Variants in ZC3HAV1 observed in about 807,000 individuals in gnomAD.
ZC3HAV1 encodes zinc finger CCCH-type antiviral protein 1.
A neutral mutation model predicts 86.6 loss-of-function variants in ZC3HAV1; 41 were observed. The observed-to-expected ratio is 0.47, with a 90% confidence interval of 0.37 to 0.61. The LOEUF (loss-of-function observed/expected upper bound fraction) is 0.61. Among genes scored for constraint, ZC3HAV1 ranks in the 20% least tolerant of loss-of-function variants. ZC3HAV1 has a pLI of 0.00. For missense variants in ZC3HAV1, 964 were observed against 1,141.1 expected, an observed-to-expected ratio of 0.84 and a Z score of 2.24; for synonymous variants, 421 against 432.1, an observed-to-expected ratio of 0.97 and a Z score of 0.32.
intron 1 of ZC3HAV1, among the ~76,000 whole-genome samples, chr7:139,094,980 CTTT>C (rs367844812): frequency 2.2e-5 from 3 of 136,118 alleles, no homozygotes; most frequent in Non-Finnish European, 1.6e-5. Context: ...TAACCCGAGT[CTTT>C]TTTTTTTTTT....
Position 139,089,700 on chromosome 7 carries a change from T to C in ZC3HAV1, c.368A>G (p.Asn123Ser). ...LSEENFKVLKNHELSGLNKEE... is the reference protein window; with the variant it reads ...LSEENFKVLKSHELSGLNKEE... ...TTTGTTCAGTCCAGAGAGTTCGTGATTTTTCAGGACTTTGAAGTTCTCTTC... is the reference window on the plus strand; with the variant it reads ...TTTGTTCAGTCCAGAGAGTTCGTGACTTTTCAGGACTTTGAAGTTCTCTTC... Residue 123 changes from asparagine to serine, a missense_variant, in exon 2 of 13, where the codon AAT becomes AGT. Asn to Ser is a conservative substitution (Grantham distance 46). Transcript: ENST00000242351. 1 of 1,612,988 alleles carries C rather than the reference T, an allele frequency of 6.2e-7. No homozygotes were observed. Among genetic ancestry groups the C allele is most frequent in the Non-Finnish European group, 8.5e-7 (1 of 1,179,600 alleles).
intron 1 of ZC3HAV1, among the ~76,000 whole-genome samples, chr7:139,091,575 A>G (rs1447957516): frequency 2.0e-5 from 3 of 152,144 alleles, no homozygotes; most frequent in Non-Finnish European, 4.4e-5. Context: ...TCTCACAAGG[A>G]TCTTACCTCA....
At chr7:139,058,252 A>G (rs1816343303) in intron 9 of ZC3HAV1, among the ~76,000 whole-genome samples, 1 of 149,412 alleles carries the variant, frequency 6.7e-6, no homozygotes, top group African/African-American at 2.5e-5. Flanking sequence ...AAACTATTCC[A>G]AGACAGCCTG....
rs1818010557 is a variant in ZC3HAV1 at position 139,108,731 on chromosome 7, C to T, written c.308+293G>A. 6.6e-6 allele frequency among the ~76,000 whole-genome samples: 1 copy of T among 150,714 alleles called. No individual in the cohort carries two copies. The highest frequency in any genetic ancestry group is 1.5e-5 in the Non-Finnish European group (1 of 67,646). ...TCCAGAGCACTTTATTCTTCTGATT[C>T]GTGCGGGCGGGCGGGGAAAGGGGTG... On this transcript the variant is annotated intron_variant, in intron 1 of 12. Coordinates refer to ENST00000242351, the MANE Select transcript of ZC3HAV1 (RefSeq NM_020119.4). The surrounding 1 kb of genome is among the most constrained non-coding windows in gnomAD (Gnocchi z 4.2).
chr7:139,047,856 A>T lies in ZC3HAV1; in HGVS notation c.2450-3T>A, dbSNP rs1010263246. 6 of 1,604,844 alleles carry T rather than the reference A, an allele frequency of 3.7e-6. No homozygotes were observed. The highest frequency in any genetic ancestry group is 5.1e-6 in the Non-Finnish European group (6 of 1,178,364). On this transcript the variant is annotated splice_polypyrimidine_tract_variant and splice_region_variant and intron_variant, in intron 12 of 12. Transcript: ENST00000242351. The stretch of plus-strand genomic sequence containing the variant: ...GGCATCTTTTGCAAAGTAAATTCCT[A>T]GAAAGAATCAGAAAGAAAAGTTAAG...
At chr7:139,065,142 G>A (rs752092617) in intron 7 of ZC3HAV1, 143 bp from the exon 8 acceptor site, 24 of 1,099,086 alleles carry the variant, frequency 2.2e-5, no homozygotes, top group African/African-American at 3.2e-5. Flanking sequence ...CCAGCTCAGG[G>A]CTATGTCACA....
At chr7:139,103,681 A>C (rs1278333573) in intron 1 of ZC3HAV1, among the ~76,000 whole-genome samples, 1 of 152,244 alleles carries the variant, frequency 6.6e-6, no homozygotes, top group Admixed American at 6.5e-5. Context: ...ACTTGCACGT[A>C]AATTCTTGGC....
rs1283694209 is a variant in ZC3HAV1 at position 139,071,966 on chromosome 7, T to A, written c.1872+1890A>T. Among the ~76,000 whole-genome samples the A allele has an allele frequency of 4.6e-5, 7 of 152,226 alleles. 1 individual carries two copies. The highest frequency in any genetic ancestry group is 1.0e-4 in the Non-Finnish European group (7 of 68,036). ...TGTGGCCCACTATAGGAGGTGTTTT[T>A]CTCAGGCCTCACTAACATAACAGAG... On this transcript the variant is annotated intron_variant, in intron 7 of 12. Transcript: ENST00000242351.
Position 139,064,982 on chromosome 7 carries a change from A to T in ZC3HAV1, c.1890T>A (p.Asn630Lys), listed in dbSNP as rs531212366. Residue 630 changes from asparagine (N) to lysine (K), a missense_variant, in exon 8 of 13, where the codon AAT becomes AAA. Physicochemically the swap from Asn to Lys is moderately conservative, Grantham distance 94. Transcript: ENST00000242351. ...QYGEEKDKRK[N>K]SNVDSSYLES... ...CCAGGTATGAAGAGTCGACGTTTGA[A>T]TTTTTCCGTTTGTCTTTCTAATTGG... is the stretch of plus-strand genomic sequence containing the variant. 1 of 1,613,916 alleles carries T rather than the reference A, an allele frequency of 6.2e-7. No homozygotes were observed. The highest frequency in any genetic ancestry group is 2.2e-5 in the East Asian group (1 of 44,874).
chr7:139,066,843 C>T (rs1434783885), intron 7 of ZC3HAV1, among the ~76,000 whole-genome samples: 6 of 152,180 alleles, frequency 3.9e-5, no homozygotes, highest in African/African-American at 1.4e-4. Context: ...CTCTGTAAAA[C>T]CCACTCTGTT....
At chr7:139,090,619 C>T (rs1817402121) in intron 1 of ZC3HAV1, among the ~76,000 whole-genome samples, 3 of 151,954 alleles carry the variant, frequency 2.0e-5, no homozygotes, top group Admixed American at 2.0e-4. Flanking sequence ...CCTTCATTTC[C>T]AAAATATTGA....
rs1184912859 is a variant in ZC3HAV1 at position 139,089,678 on chromosome 7, G to C, written c.390C>G (p.Asn130Lys). ...GGAGGAGCACTGCTAATTCCTCTTT[G>C]TTCAGTCCAGAGAGTTCGTGATTTT... is the stretch of plus-strand genomic sequence containing the variant. ...VLKNHELSGL[N>K]KEELAVLLLQ... The change falls in exon 2 of 13, where the codon AAC (asparagine) becomes AAG (lysine). Residue 130 changes from asparagine to lysine, a missense_variant. Coordinates refer to ENST00000242351, the MANE Select transcript of ZC3HAV1 (RefSeq NM_020119.4). 6.2e-7 allele frequency: 1 copy of C among 1,612,770 alleles called. No homozygotes were observed. The highest frequency in any genetic ancestry group is 1.3e-5 in the African/African-American group (1 of 74,922).
chr7:139,062,466 A>G (rs1563126807), intron 8 of ZC3HAV1, among the ~76,000 whole-genome samples: 1 of 152,154 alleles, frequency 6.6e-6, no homozygotes, highest in African/African-American at 2.4e-5. Flanking sequence ...CTATAAAAGT[A>G]AGTGCTGTCC....
intron 9 of ZC3HAV1, among the ~76,000 whole-genome samples, chr7:139,057,370 A>G (rs73170906): frequency 0.011 from 1,669 of 151,334 alleles, 47 homozygotes; most frequent in African/African-American, 0.038. Context: ...GAAAAAAAAA[A>G]TTTAGAGGTG....
At chr7:139,068,023 C>CTTT (rs1335376795) in intron 7 of ZC3HAV1, among the ~76,000 whole-genome samples, 4 of 137,134 alleles carry the variant, frequency 2.9e-5, no homozygotes, top group African/African-American at 5.4e-5. Flanking sequence ...CTCTTTCTTT[C>CTTT]TTTATTATTA....
intron 1 of ZC3HAV1, among the ~76,000 whole-genome samples, chr7:139,104,721 C>CAAAAAAAAAAAAA (rs1157897700): frequency 5.2e-5 from 1 of 19,260 alleles, no homozygotes; most frequent in Non-Finnish European, 1.1e-4. Context: ...GACTCTGTCA[C>CAAAAAAAAAAAAA]AAAAAAAAAA....
chr7:139,075,383 T>A (rs1816910475), intron 6 of ZC3HAV1, among the ~76,000 whole-genome samples: 1 of 152,148 alleles, frequency 6.6e-6, no homozygotes, highest in Non-Finnish European at 1.5e-5. Flanking sequence ...CATAGATAAA[T>A]ACGGTCATAT....
chr7:139,095,651 G>A (rs954428573), intron 1 of ZC3HAV1, among the ~76,000 whole-genome samples: 2 of 152,306 alleles, frequency 1.3e-5, no homozygotes, highest in Admixed American at 1.3e-4. Context: ...CCAAGAATCC[G>A]CACATACCCT....
intron 7 of ZC3HAV1, among the ~76,000 whole-genome samples, chr7:139,072,547 T>G (rs960709052): frequency 1.3e-5 from 2 of 152,190 alleles, no homozygotes; most frequent in Non-Finnish European, 2.9e-5. Context: ...CTCATCACCC[T>G]GATTCCATTA....
Sources: gnomAD v4.1 joint callset for allele counts (sites outside exome capture counted in the v4.1 genomes callset) on GRCh38, gnomAD v4.1.1 for gene constraint, Gnocchi (gnomAD v3.1) non-coding constraint, MANE v1.5 for transcripts, NCBI Gene and HGNC (gene_info 2026-07-23, HGNC 2026-07-21) for gene names.